The following CSMD3 variants were observed in gnomAD, a reference collection of about 807,000 sequenced individuals.
The protein encoded by CSMD3 is CUB and sushi domain-containing protein 3.
In CSMD3, 177 loss-of-function variants were observed where a neutral mutation model predicts 435.2. That is an observed-to-expected ratio of 0.41 (90% CI 0.36 to 0.46). The LOEUF is 0.46. Ranked by LOEUF, CSMD3 falls within the 20% of genes least tolerant of loss-of-function variation. CSMD3 has a pLI of 0.34. For synonymous variants in CSMD3, 1,656 were observed against 1,520.5 expected, an observed-to-expected ratio of 1.09 and a Z score of -2.07; for missense variants, 4,265 against 4,504.6, an observed-to-expected ratio of 0.95 and a Z score of 1.52.
At chr8:112,456,160 A>T (rs915424317) in intron 32 of CSMD3, among the ~76,000 whole-genome samples, 1 of 152,186 alleles carries the variant, frequency 6.6e-6, no homozygotes, top group Non-Finnish European at 1.5e-5. Flanking sequence ...TTATAGAAGA[A>T]AAATGAGCAG....
chr8:113,087,538 C>T (rs1345399228), intron 5 of CSMD3, among the ~76,000 whole-genome samples: 6 of 151,900 alleles, frequency 3.9e-5, no homozygotes, highest in Non-Finnish European at 5.9e-5. Context: ...GAACAGAGCC[C>T]TCAGAAATAA....
intron 52 of CSMD3, 75 bp from the exon 53 acceptor site, chr8:112,302,041 C>T (rs1820973719): frequency 1.0e-6 from 1 of 998,244 alleles, no homozygotes; most frequent in Non-Finnish European, 1.5e-6. Context: ...GTGCTTTGAA[C>T]ATTTTGAGCT....
At chr8:112,976,298 A>C (rs1180382062) in intron 6 of CSMD3, 150 bp from the exon 7 acceptor site, 2 of 877,724 alleles carry the variant, frequency 2.3e-6, no homozygotes, top group Non-Finnish European at 3.6e-6. Context: ...TAAATTGTGA[A>C]GCGCACTAGA....
intron 13 of CSMD3, among the ~76,000 whole-genome samples, chr8:112,724,941 T>A (rs762686695): frequency 1.1e-4 from 17 of 152,042 alleles, no homozygotes; most frequent in Non-Finnish European, 1.9e-4. Context: ...GAATCCACTA[T>A]TAGACTTAGC....
chr8:112,689,402 G>A (rs988307556), intron 14 of CSMD3, among the ~76,000 whole-genome samples: 2 of 151,932 alleles, frequency 1.3e-5, no homozygotes, highest in African/African-American at 4.8e-5. Flanking sequence ...TGTATTGTAT[G>A]CAATATAAAA....
intron 1 of CSMD3, among the ~76,000 whole-genome samples, chr8:113,338,702 T>A (rs2094095480): frequency 6.6e-6 from 1 of 151,862 alleles, no homozygotes; most frequent in African/African-American, 2.4e-5. Context: ...AAATGATTAG[T>A]GGTTGATTAG....
At chr8:112,572,723 T>C (rs1433123837) in intron 24 of CSMD3, among the ~76,000 whole-genome samples, 1 of 152,106 alleles carries the variant, frequency 6.6e-6, no homozygotes, top group Non-Finnish European at 1.5e-5. Flanking sequence ...AGATTGTAAA[T>C]TTATCAAATA....
At chr8:112,590,312 A>G (rs1170271453) in intron 22 of CSMD3, among the ~76,000 whole-genome samples, 1 of 152,120 alleles carries the variant, frequency 6.6e-6, no homozygotes, top group African/African-American at 2.4e-5. Flanking sequence ...CCTGTCCTGA[A>G]TAGCCAGGAA....
chr8:113,031,956 C>T (rs914881240), intron 5 of CSMD3, among the ~76,000 whole-genome samples: 1 of 151,464 alleles, frequency 6.6e-6, no homozygotes, highest in African/African-American at 2.4e-5. Flanking sequence ...CTGGTAGGTT[C>T]TCCTGTGTGT....
chr8:113,426,507 A>C (rs2094636521), intron 1 of CSMD3, among the ~76,000 whole-genome samples: 1 of 151,332 alleles, frequency 6.6e-6, no homozygotes, highest in African/African-American at 2.4e-5. Flanking sequence ...TAAGAAGATT[A>C]AAAAAACAAA....
intron 10 of CSMD3, among the ~76,000 whole-genome samples, chr8:112,884,876 G>T (rs1382271865): frequency 6.6e-6 from 1 of 151,650 alleles, no homozygotes; most frequent in Non-Finnish European, 1.5e-5. Flanking sequence ...TAAAAATGTT[G>T]TTAGCATAAA....
At chr8:112,300,789 C>G (rs1401958955) in intron 53 of CSMD3, among the ~76,000 whole-genome samples, 1 of 152,048 alleles carries the variant, frequency 6.6e-6, no homozygotes, top group Non-Finnish European at 1.5e-5. Context: ...ACATTTTAAC[C>G]AAAACTTCTA....
chr8:112,832,390 A>T (rs545758889), intron 11 of CSMD3, among the ~76,000 whole-genome samples: 1 of 152,304 alleles, frequency 6.6e-6, no homozygotes, highest in South Asian at 2.1e-4. Flanking sequence ...ATCTCTAATC[A>T]GTTGACTTTA....
chr8:112,875,577 T>A (rs2081259441), intron 10 of CSMD3, among the ~76,000 whole-genome samples: 1 of 152,160 alleles, frequency 6.6e-6, no homozygotes, highest in South Asian at 2.1e-4. Flanking sequence ...GGTGTGGTCC[T>A]TTCACATAGT....
At chr8:113,376,812 G>A in intron 1 of CSMD3, 1 of 1,613,838 alleles carries the variant, frequency 6.2e-7, no homozygotes, top group Non-Finnish European at 8.5e-7. Context: ...GGGTTGTGCT[G>A]AAGAGGTTGT....
At position 112,650,169 on chromosome 8, in the gene CSMD3, G is replaced by T; in HGVS notation, c.3185C>A (p.Thr1062Asn). ...GTCAAATGAGTTATTACCATCACAG[G>T]TTGGAAGTGGATGACTCCACCAGTG... The part of the protein sequence containing the change: ...KNHWWSHPLP[T>N]CDALCGGDVR... The change falls in exon 19 of 71, where the codon ACC (threonine) becomes AAC (asparagine). Residue 1062 changes from threonine (T) to asparagine (N), a missense_variant. Physicochemically the swap from Thr to Asn is moderately conservative, Grantham distance 65. Around this residue, in one of 3 missense-constraint regions of CSMD3, gnomAD observed 3,255 missense variants for 3,380.2 expected, o/e 0.96. Transcript: ENST00000297405. 1 of 1,610,948 alleles carries T rather than the reference G, an allele frequency of 6.2e-7. No individual in the cohort carries two copies. The highest frequency in any genetic ancestry group is 8.5e-7 in the Non-Finnish European group (1 of 1,177,128).
chr8:112,552,899 G>C (rs183608377), intron 25 of CSMD3, among the ~76,000 whole-genome samples, 179 bp from the exon 26 acceptor site: 2 of 152,082 alleles, frequency 1.3e-5, no homozygotes, highest in East Asian at 3.9e-4. Flanking sequence ...TCAAATAATA[G>C]AGTCTCAAGT....
At chr8:112,895,343 T>A (rs1247765761) in intron 10 of CSMD3, among the ~76,000 whole-genome samples, 1 of 151,396 alleles carries the variant, frequency 6.6e-6, no homozygotes, top group Non-Finnish European at 1.5e-5. Flanking sequence ...GGAGCCTGAA[T>A]AGATAAATTA....
chr8:113,200,028 C>T (rs2092700506), intron 3 of CSMD3, among the ~76,000 whole-genome samples: 1 of 151,826 alleles, frequency 6.6e-6, no homozygotes, highest in South Asian at 2.1e-4. Context: ...TACCCAAATG[C>T]CTGTTGAACA....
Sources: allele counts gnomAD v4.1 joint callset (sites outside exome capture counted in the v4.1 genomes callset), GRCh38; gene constraint gnomAD v4.1.1; regional missense constraint gnomAD v4.1.1; transcripts MANE v1.5; gene names NCBI Gene and HGNC (gene_info 2026-07-23, HGNC 2026-07-21).